Variants in RBFOX1 observed in about 807,000 individuals in gnomAD.
The protein encoded by RBFOX1 is RNA binding fox-1 homolog 1, also known as RNA binding protein fox-1 homolog 1.
In RBFOX1, 8 loss-of-function variants were observed where a neutral mutation model predicts 57.7. The ratio of observed to expected loss-of-function variants is 0.14; its 90% CI spans 0.08 to 0.25. The LOEUF (loss-of-function observed/expected upper bound fraction) is 0.25. Among genes scored for constraint, RBFOX1 ranks in the 10% least tolerant of loss-of-function variants. The pLI, the probability that RBFOX1 is intolerant of heterozygous loss-of-function variation, is 1.00. For synonymous variants in RBFOX1, 326 were observed against 222.4 expected (o/e 1.47, Z -4.15); for missense variants, 611 against 548.5 (o/e 1.11, Z -1.14).
chr16:7,476,134 T>A (rs757917781), intron 4 of RBFOX1, among the ~76,000 whole-genome samples: 1 of 151,812 alleles, frequency 6.6e-6, no homozygotes, highest in Non-Finnish European at 1.5e-5. Flanking sequence ...CCCAGCAAAT[T>A]TTTGTAGTTT....
At chr16:6,985,017 A>G (rs1394283405) in intron 3 of RBFOX1, among the ~76,000 whole-genome samples, 2 of 148,964 alleles carry the variant, frequency 1.3e-5, no homozygotes, top group Admixed American at 6.7e-5. Flanking sequence ...CCAGGGGGAA[A>G]TATCCTGGCT....
At chr16:5,736,289 A>AATTC (rs2052568925) in intron 3 of RBFOX1, among the ~76,000 whole-genome samples, 1 of 152,090 alleles carries the variant, frequency 6.6e-6, no homozygotes, top group Non-Finnish European at 1.5e-5. Flanking sequence ...AGGGCTTTAG[A>AATTC]ATTCTGAGCT....
chr16:5,907,582 C>G (rs913471764), intron 4 of RBFOX1, among the ~76,000 whole-genome samples: 1 of 152,024 alleles, frequency 6.6e-6, no homozygotes, highest in African/African-American at 2.4e-5. Context: ...ACACATATGT[C>G]CAATACATAA....
At position 6,483,187 on chromosome 16, in the gene RBFOX1, G is replaced by C. The variant is rs553224021; in HGVS notation, c.-64+166130G>C. On this transcript the variant is annotated intron_variant, in intron 2 of 15. Coordinates refer to ENST00000550418, the MANE Select transcript of RBFOX1 (RefSeq NM_018723.4). ...CGTCTCATTTGGCGAGCGTTTTGGC[G>C]CGGACAGAGGCCGAGGCCGGCCGGG... 4.3e-6 allele frequency: 5 copies of C among 1,153,448 alleles called. No individual in the cohort carries two copies. The South Asian group carries it at 9.2e-5, about 21-fold the overall frequency. 71.5% of individuals were successfully genotyped at this position (1,153,448 alleles called of 1,614,324 possible). A position where few individuals can be genotyped will look rare whatever the true frequency, so the allele number is the denominator to read the frequency against.
At chr16:6,078,529 G>T (rs1255056635) in intron 1 of RBFOX1, among the ~76,000 whole-genome samples, 1 of 152,132 alleles carries the variant, frequency 6.6e-6, no homozygotes, top group Non-Finnish European at 1.5e-5. Flanking sequence ...CTGTTCTAGA[G>T]CCAGTCCTAA....
At chr16:5,769,308 G>A (rs1029904692) in intron 3 of RBFOX1, among the ~76,000 whole-genome samples, 2 of 151,892 alleles carry the variant, frequency 1.3e-5, no homozygotes, top group Non-Finnish European at 2.9e-5. Flanking sequence ...AGGTCATTAG[G>A]GTGGGCCCTA....
intron 3 of RBFOX1, among the ~76,000 whole-genome samples, chr16:6,901,386 A>T (rs2068448347): frequency 6.6e-6 from 1 of 152,150 alleles, no homozygotes; most frequent in African/African-American, 2.4e-5. Flanking sequence ...AATCAAAGTG[A>T]ACAGGACGTT....
At chr16:7,710,582 G>A in intron 15 of RBFOX1, 41 bp from the exon 16 acceptor site, 1 of 1,607,644 alleles carries the variant, frequency 6.2e-7, no homozygotes, top group South Asian at 1.1e-5. Flanking sequence ...GTTGCAAAAG[G>A]AAAATGTAAA....
intron 4 of RBFOX1, among the ~76,000 whole-genome samples, chr16:7,258,628 A>G (rs1165548994): frequency 6.6e-6 from 1 of 152,218 alleles, no homozygotes; most frequent in Non-Finnish European, 1.5e-5. Context: ...GCAAAATAAT[A>G]TCCATCCTGT....
chr16:5,432,911 G>A (rs994919905), intron 1 of RBFOX1, among the ~76,000 whole-genome samples: 1 of 152,020 alleles, frequency 6.6e-6, no homozygotes, highest in Non-Finnish European at 1.5e-5. Context: ...TCAGCCTCCT[G>A]AGTAGCTGGA....
chr16:7,206,234 C>T (rs907509472), intron 4 of RBFOX1, among the ~76,000 whole-genome samples: 2 of 152,066 alleles, frequency 1.3e-5, no homozygotes, highest in African/African-American at 4.8e-5. Flanking sequence ...ATTTACCAGA[C>T]AGTAACATCT....
chr16:6,881,483 G>C (rs1231383686), intron 3 of RBFOX1, among the ~76,000 whole-genome samples: 1 of 152,092 alleles, frequency 6.6e-6, no homozygotes, highest in Non-Finnish European at 1.5e-5. Context: ...CTTGTAGAGG[G>C]TCAGCTACAT....
chr16:6,759,511 GT>G (rs2076303325), intron 3 of RBFOX1, among the ~76,000 whole-genome samples: 1 of 119,244 alleles, frequency 8.4e-6, no homozygotes, highest in Non-Finnish European at 1.9e-5. Context: ...GTGTGTGTGT[GT>G]GTGTGTGTGT....
intron 3 of RBFOX1, among the ~76,000 whole-genome samples, chr16:6,811,506 A>G (rs557449212): frequency 1.6e-4 from 25 of 152,328 alleles, no homozygotes; most frequent in Admixed American, 1.4e-3. Context: ...TTAAGTGATT[A>G]TGTAGCTAGT....
chr16:7,433,907 G>A (rs1304909953), intron 4 of RBFOX1, among the ~76,000 whole-genome samples: 1 of 152,226 alleles, frequency 6.6e-6, no homozygotes, highest in Non-Finnish European at 1.5e-5. Flanking sequence ...AAGGAGTTCA[G>A]AGAAAGGTGG....
At chr16:6,845,378 A>C (rs1400525731) in intron 3 of RBFOX1, among the ~76,000 whole-genome samples, 1 of 151,912 alleles carries the variant, frequency 6.6e-6, no homozygotes, top group African/African-American at 2.4e-5. Flanking sequence ...GAAGAGGTCC[A>C]GTTTCAATTT....
intron 3 of RBFOX1, among the ~76,000 whole-genome samples, chr16:5,818,520 A>T (rs1054513168): frequency 3.9e-5 from 6 of 152,190 alleles, no homozygotes; most frequent in African/African-American, 1.4e-4. Context: ...CACCTTCTGA[A>T]ATCCGTCTCG....
chr16:5,680,928 A>C (rs1250685358), intron 3 of RBFOX1, among the ~76,000 whole-genome samples: 3 of 151,914 alleles, frequency 2.0e-5, no homozygotes, highest in Admixed American at 6.6e-5. Flanking sequence ...GTTGGGGGGC[A>C]GGGGTGCAGC....
chr16:6,979,738 T>C (rs1371669972), intron 3 of RBFOX1, among the ~76,000 whole-genome samples: 1 of 152,192 alleles, frequency 6.6e-6, no homozygotes, highest in Non-Finnish European at 1.5e-5. Context: ...TCATTCCTCC[T>C]AAACAGTGGA....
Sources: allele counts gnomAD v4.1 joint callset (sites outside exome capture counted in the v4.1 genomes callset), GRCh38; gene constraint gnomAD v4.1.1; transcripts MANE v1.5; gene names NCBI Gene and HGNC (gene_info 2026-07-23, HGNC 2026-07-21).